C1QTNF3: variants seen among roughly 807,000 people sequenced by gnomAD.
C1QTNF3 encodes complement C1q tumor necrosis factor-related protein 3.
In C1QTNF3, 26 loss-of-function variants were observed where a neutral mutation model predicts 32.6. The observed-to-expected ratio is 0.80, with a 90% CI of 0.58 to 1.11. The LOEUF (loss-of-function observed/expected upper bound fraction) is 1.11. Ranked by LOEUF, C1QTNF3 falls within the 50% of genes least tolerant of loss-of-function variation. The pLI is 0.00. For synonymous variants in C1QTNF3, 155 were observed against 146.0 expected (o/e 1.06, Z -0.44); for missense variants, 362 against 398.2 (o/e 0.91, Z 0.77).
rs1199542138 is a variant in C1QTNF3 at position 34,020,756 on chromosome 5, GA to G, written c.801-15del. The G allele has an allele frequency of 6.2e-7, 1 of 1,608,634 alleles. No individual in the cohort carries two copies. On this transcript the variant is annotated splice_polypyrimidine_tract_variant and intron_variant, in intron 5 of 5. Coordinates refer to ENST00000382065, the MANE Select transcript of C1QTNF3 (RefSeq NM_181435.6). ...TTCATTTCATAGCTGGAAAGAAAAA[GA>G]GGAACAAACTACTTAGTTTTTGCCA...
chr5:34,172,639 T>C, the C1QTNF3 span, among the ~76,000 whole-genome samples: 2 of 152,198 alleles, frequency 1.3e-5, no homozygotes, highest in African/African-American at 2.4e-5. Flanking sequence ...AGCCAATGCA[T>C]GTAAATTCCT....
the C1QTNF3 span, among the ~76,000 whole-genome samples, chr5:34,140,584 A>ATAGGGTT: frequency 6.6e-6 from 1 of 152,240 alleles, no homozygotes; most frequent in Non-Finnish European, 1.5e-5. Flanking sequence ...GTTGGTCAAA[A>ATAGGGTT]TTGTGAACAC....
chr5:34,105,458 CCTCTCCT>C, the C1QTNF3 span, among the ~76,000 whole-genome samples: 3 of 151,804 alleles, frequency 2.0e-5, no homozygotes, highest in Non-Finnish European at 4.4e-5. Context: ...CCATTTTGAC[CCTCTCCT>C]TGTGCTAGAA....
chr5:34,133,454 G>C, the C1QTNF3 span, among the ~76,000 whole-genome samples: 22 of 152,268 alleles, frequency 1.4e-4, no homozygotes, highest in Non-Finnish European at 2.5e-4. Flanking sequence ...GACTTTGAAA[G>C]GTTACTTTAG....
chr5:34,236,398 AAAG>A, the C1QTNF3 span, among the ~76,000 whole-genome samples: 2 of 151,836 alleles, frequency 1.3e-5, no homozygotes, highest in East Asian at 1.9e-4. Flanking sequence ...CTCAAAAAAA[AAAG>A]AAGAAGAAAA....
the C1QTNF3 span, among the ~76,000 whole-genome samples, chr5:34,145,678 C>T: frequency 1.0e-5 from 1 of 96,944 alleles, no homozygotes. Flanking sequence ...AGAGACACAG[C>T]AAAAAAAAAA....
At chr5:34,203,258 A>C in the C1QTNF3 span, among the ~76,000 whole-genome samples, 1 of 152,176 alleles carries the variant, frequency 6.6e-6, no homozygotes. Flanking sequence ...AAAAACAAAA[A>C]ACAACAACAA....
At chr5:34,209,312 C>T in the C1QTNF3 span, among the ~76,000 whole-genome samples, 1 of 151,436 alleles carries the variant, frequency 6.6e-6, no homozygotes, top group African/African-American at 2.4e-5. Flanking sequence ...ACATTTTTCA[C>T]TAACGCGCAT....
the C1QTNF3 span, among the ~76,000 whole-genome samples, chr5:34,125,726 G>A: frequency 1.3e-5 from 2 of 152,070 alleles, no homozygotes; most frequent in African/African-American, 2.4e-5. Flanking sequence ...ATATTCAACA[G>A]AAAAATTTAA....
chr5:34,215,564 T>C, the C1QTNF3 span, among the ~76,000 whole-genome samples: 1 of 152,204 alleles, frequency 6.6e-6, no homozygotes. Context: ...TTGTACAGGC[T>C]AAATGCTGGT....
chr5:34,166,778 G>C, the C1QTNF3 span: 13 of 130,376 alleles, frequency 1.0e-4, no homozygotes, highest in Admixed American at 7.6e-4. Flanking sequence ...TTACACTTCT[G>C]ATGATCATTT....
At chr5:34,109,873 A>G in the C1QTNF3 span, among the ~76,000 whole-genome samples, 1 of 152,176 alleles carries the variant, frequency 6.6e-6, no homozygotes, top group African/African-American at 2.4e-5. Context: ...GCAGCTATAC[A>G]TGGTGGCTCC....
intron 3 of C1QTNF3, among the ~76,000 whole-genome samples, chr5:34,031,675 A>G (rs1754617243): frequency 6.6e-6 from 1 of 152,150 alleles, no homozygotes; most frequent in Non-Finnish European, 1.5e-5. Flanking sequence ...TCTACTAAAA[A>G]TACAAAAAAA....
the C1QTNF3 span, among the ~76,000 whole-genome samples, chr5:34,217,460 A>G: frequency 6.6e-6 from 1 of 152,138 alleles, no homozygotes; most frequent in East Asian, 1.9e-4. Context: ...ACTAACTTCA[A>G]TGAATGACTT....
chr5:34,066,459 A>G, the C1QTNF3 span, among the ~76,000 whole-genome samples: 1 of 152,214 alleles, frequency 6.6e-6, no homozygotes, highest in African/African-American at 2.4e-5. Flanking sequence ...AAGACTTACA[A>G]GACAACAATC....
Position 34,033,448 on chromosome 5 carries a change from T to G in C1QTNF3, c.426A>C (p.Gly142=). ...CAGTGGCTCCATTGTTGCCATTGTTTCCATGGTTTCCTTAAACAACCAGAC... is the reference window on the plus strand; with the variant it reads ...CAGTGGCTCCATTGTTGCCATTGTTGCCATGGTTTCCTTAAACAACCAGAC... The part of the protein sequence containing the change: ...PGPPGIPGNH[G]NNGNNGATGH... Residue 142 remains glycine (G), a synonymous_variant, in exon 3 of 6, where the codon GGA becomes GGC. Transcript: ENST00000382065. 2 of 1,614,174 alleles carry G rather than the reference T, an allele frequency of 1.2e-6. No individual in the cohort carries two copies. Among genetic ancestry groups the G allele is most frequent in the Non-Finnish European group, 1.7e-6 (2 of 1,180,022 alleles).
the C1QTNF3 span, among the ~76,000 whole-genome samples, chr5:34,141,558 A>T: frequency 6.6e-6 from 1 of 152,294 alleles, no homozygotes; most frequent in Admixed American, 6.5e-5. Context: ...TTTTGATAGT[A>T]GCCATCATCT....
At chr5:34,072,417 G>C in the C1QTNF3 span, among the ~76,000 whole-genome samples, 1 of 148,822 alleles carries the variant, frequency 6.7e-6, no homozygotes, top group Non-Finnish European at 1.5e-5. Flanking sequence ...AAGAAAGAAA[G>C]AAAGAACAGA....
At chr5:34,032,614 T>G (rs962426144) in intron 3 of C1QTNF3, among the ~76,000 whole-genome samples, 1 of 152,132 alleles carries the variant, frequency 6.6e-6, no homozygotes, top group African/African-American at 2.4e-5. Context: ...CTGGCCACCA[T>G]GGCAAAAACC....
Sources: allele counts gnomAD v4.1 joint callset (sites outside exome capture counted in the v4.1 genomes callset), GRCh38; gene constraint gnomAD v4.1.1; transcripts MANE v1.5; gene names NCBI Gene and HGNC (gene_info 2026-07-23, HGNC 2026-07-21).